Variants in ANO2 observed in about 807,000 individuals in gnomAD.
The protein encoded by ANO2 is anoctamin-2.
In ANO2, 101 loss-of-function variants were observed where a neutral mutation model predicts 124.2. The ratio of observed to expected loss-of-function variants is 0.81; its 90% CI spans 0.69 to 0.96. The LOEUF (loss-of-function observed/expected upper bound fraction) is 0.96, where lower values mean the gene tolerates loss of function less well. Ranked by LOEUF, ANO2 falls within the 40% of genes least tolerant of loss-of-function variation. The probability of loss-of-function intolerance (pLI) is 0.00; values close to 1 mark genes in which losing one functional copy is unlikely to be tolerated. For synonymous variants in ANO2, 486 were observed against 482.5 expected, an observed-to-expected ratio of 1.01 and a Z score of -0.09; for missense variants, 1,293 against 1,274.5, an observed-to-expected ratio of 1.01 and a Z score of -0.22.
chr12:5,833,088 G>C (rs1035381721), intron 4 of ANO2, among the ~76,000 whole-genome samples: 10 of 152,142 alleles, frequency 6.6e-5, no homozygotes, highest in Non-Finnish European at 1.0e-4. Flanking sequence ...CTAATCCAAA[G>C]TCTATACTCT....
At chr12:5,775,586 T>C (rs10849336) in intron 10 of ANO2, among the ~76,000 whole-genome samples, 67,500 of 151,332 alleles carry the variant, frequency 0.45, 16,471 homozygotes, top group African/African-American at 0.66. Flanking sequence ...CTCAGCCTCC[T>C]GAGTAGCTGG....
intron 3 of ANO2, among the ~76,000 whole-genome samples, chr12:5,880,506 T>C (rs1938411760): frequency 6.6e-6 from 1 of 151,420 alleles, no homozygotes; most frequent in African/African-American, 2.4e-5. Flanking sequence ...AAAGAACACA[T>C]GAAAGAGAAT....
intron 14 of ANO2, among the ~76,000 whole-genome samples, chr12:5,694,092 C>T (rs1029248960): frequency 2.0e-5 from 3 of 152,098 alleles, no homozygotes; most frequent in African/African-American, 4.8e-5. Context: ...CAGAGTGAGG[C>T]CTCCATCAAC....
intron 3 of ANO2, among the ~76,000 whole-genome samples, chr12:5,919,032 A>T (rs1426332714): frequency 1.3e-5 from 2 of 152,220 alleles, no homozygotes; most frequent in South Asian, 2.1e-4. Context: ...GGGGATGTGC[A>T]GCGAGCCAAA....
At chr12:5,704,697 A>ATGTGTGTG (rs3067798) in intron 14 of ANO2, among the ~76,000 whole-genome samples, 4,499 of 148,750 alleles carry the variant, frequency 0.03, 105 homozygotes, top group African/African-American at 0.068. Flanking sequence ...TGGTGTGTGT[A>ATGTGTGTG]TGTGTGTGTG....
At chr12:5,755,651 C>A (rs370644691) in intron 10 of ANO2, among the ~76,000 whole-genome samples, 2 of 151,968 alleles carry the variant, frequency 1.3e-5, no homozygotes, top group African/African-American at 4.8e-5. Context: ...TGAGAACATG[C>A]GGTGTTTGGT....
chr12:5,799,701 G>C, intron 9 of ANO2, 130 bp from the exon 10 acceptor site: 1 of 791,438 alleles, frequency 1.3e-6, no homozygotes, highest in Non-Finnish European at 2.1e-6. Flanking sequence ...AGACATCCAG[G>C]GGGAGATGTT....
At chr12:5,813,074 G>GGAAGGA (rs143102055) in intron 7 of ANO2, among the ~76,000 whole-genome samples, 10 of 146,012 alleles carry the variant, frequency 6.8e-5, no homozygotes, top group Non-Finnish European at 1.5e-4. Flanking sequence ...GAAGACGAAA[G>GGAAGGA]AGGAAGGAAA....
At chr12:5,937,187 AG>A (rs1166459685) in intron 1 of ANO2, among the ~76,000 whole-genome samples, 2 of 152,186 alleles carry the variant, frequency 1.3e-5, no homozygotes, top group Non-Finnish European at 2.9e-5. Context: ...ACAGTGTATA[AG>A]GGCTCCTTTT....
intron 12 of ANO2, among the ~76,000 whole-genome samples, chr12:5,741,546 TG>T (rs1951095602): frequency 6.6e-6 from 1 of 152,002 alleles, no homozygotes; most frequent in Non-Finnish European, 1.5e-5. Flanking sequence ...GTGCCCAGAG[TG>T]CTGACCGACT....
chr12:5,918,588 C>T (rs1231410932), intron 3 of ANO2, among the ~76,000 whole-genome samples: 3 of 152,062 alleles, frequency 2.0e-5, no homozygotes, highest in Non-Finnish European at 4.4e-5. Context: ...TACAGGCAAG[C>T]ACCATCACGC....
chr12:5,639,045 C>T (rs1946193166), intron 15 of ANO2, among the ~76,000 whole-genome samples: 1 of 152,140 alleles, frequency 6.6e-6, no homozygotes, highest in Non-Finnish European at 1.5e-5. Context: ...TTCTGGTATG[C>T]TCTTAGCAGA....
chr12:5,832,964 G>T (rs1159733957), intron 4 of ANO2, among the ~76,000 whole-genome samples: 1 of 152,212 alleles, frequency 6.6e-6, no homozygotes, highest in African/African-American at 2.4e-5. Context: ...CTGCTGGGTA[G>T]GTAATACTAT....
At chr12:5,704,691 G>A (rs1949537568) in intron 14 of ANO2, among the ~76,000 whole-genome samples, 1 of 124,908 alleles carries the variant, frequency 8.0e-6, no homozygotes, top group African/African-American at 3.4e-5. Flanking sequence ...AGTGCTTGGT[G>A]TGTGTATGTG....
intron 14 of ANO2, among the ~76,000 whole-genome samples, chr12:5,722,462 G>A (rs995466328): frequency 2.0e-5 from 3 of 152,138 alleles, no homozygotes; most frequent in Admixed American, 6.5e-5. Flanking sequence ...AGCTGAGATC[G>A]CGCCACTGCA....
At chr12:5,767,499 G>T (rs546537949) in intron 10 of ANO2, among the ~76,000 whole-genome samples, 2 of 152,216 alleles carry the variant, frequency 1.3e-5, no homozygotes, top group Non-Finnish European at 2.9e-5. Context: ...TGGAGAGAAA[G>T]AAAGGAAATG....
chr12:5,593,274 A>T (rs954669853), intron 20 of ANO2, among the ~76,000 whole-genome samples: 6 of 152,198 alleles, frequency 3.9e-5, no homozygotes, highest in African/African-American at 1.4e-4. Flanking sequence ...AAGCTGGGGG[A>T]AGGCTGTAAG....
At chr12:5,574,148 T>C (rs572743080) in intron 23 of ANO2, among the ~76,000 whole-genome samples, 1 of 152,366 alleles carries the variant, frequency 6.6e-6, no homozygotes, top group East Asian at 1.9e-4. Flanking sequence ...TGTAATTAAC[T>C]ATTCTGATTT....
chr12:5,608,156 T>G (rs1944311417), intron 19 of ANO2, among the ~76,000 whole-genome samples: 1 of 151,962 alleles, frequency 6.6e-6, no homozygotes, highest in Non-Finnish European at 1.5e-5. Context: ...CAATCATCAT[T>G]TCTCTTCTGA....
Sources: gnomAD v4.1 joint callset for allele counts (sites outside exome capture counted in the v4.1 genomes callset) on GRCh38, gnomAD v4.1.1 for gene constraint, MANE v1.5 for transcripts, NCBI Gene and HGNC (gene_info 2026-07-23, HGNC 2026-07-21) for gene names.